TTC39C: variants seen among roughly 807,000 people sequenced by gnomAD.
TTC39C encodes the protein tetratricopeptide repeat protein 39C.
TTC39C carries 33 observed loss-of-function variants against 76.3 expected under a neutral mutation model. The ratio of observed to expected loss-of-function variants is 0.43; its 90% CI spans 0.33 to 0.58. The LOEUF (loss-of-function observed/expected upper bound fraction) is 0.58. Ranked by LOEUF, TTC39C falls within the 20% of genes least tolerant of loss-of-function variation. The pLI, the probability that TTC39C is intolerant of heterozygous loss-of-function variation, is 0.04. For missense variants in TTC39C, 595 were observed against 701.4 expected, an observed-to-expected ratio of 0.85 and a Z score of 1.71; for synonymous variants, 254 against 260.6, an observed-to-expected ratio of 0.97 and a Z score of 0.24.
At chr18:24,104,729 C>CAT (rs1491452977) in intron 6 of TTC39C, among the ~76,000 whole-genome samples, 2 of 114,180 alleles carry the variant, frequency 1.8e-5, no homozygotes, top group Non-Finnish European at 3.6e-5. Flanking sequence ...TGTGACTGTG[C>CAT]ATGTGTGTGT....
intron 10 of TTC39C, among the ~76,000 whole-genome samples, chr18:24,126,666 T>C (rs1449556267): frequency 2.0e-5 from 3 of 151,972 alleles, no homozygotes; most frequent in Non-Finnish European, 4.4e-5. Context: ...TTTTAGTTTT[T>C]AGAGACAAGT....
intron 6 of TTC39C, chr18:24,113,643 T>G: frequency 1.4e-6 from 1 of 702,386 alleles, no homozygotes. Flanking sequence ...GTCGTCTGGC[T>G]GTTTAAGATT....
At chr18:24,082,189 C>G (rs982231568) in intron 5 of TTC39C, among the ~76,000 whole-genome samples, 6 of 151,494 alleles carry the variant, frequency 4.0e-5, no homozygotes, top group African/African-American at 1.5e-4. Context: ...TTTTGTTTAC[C>G]TAGTTTAACA....
intron 6 of TTC39C, among the ~76,000 whole-genome samples, chr18:24,094,092 A>G (rs1448801077): frequency 1.3e-5 from 2 of 152,196 alleles, no homozygotes; most frequent in Non-Finnish European, 2.9e-5. Flanking sequence ...CTTATCAACT[A>G]AGTCTATGTG....
chr18:24,100,205 C>A (rs1407232279), intron 6 of TTC39C, among the ~76,000 whole-genome samples: 1 of 152,134 alleles, frequency 6.6e-6, no homozygotes, highest in Admixed American at 6.6e-5. Context: ...ATTAAATGTT[C>A]ATTGTGATGT....
chr18:24,019,479 A>C (rs1339013079), intron 1 of TTC39C, among the ~76,000 whole-genome samples: 1 of 151,876 alleles, frequency 6.6e-6, no homozygotes, highest in African/African-American at 2.4e-5. Flanking sequence ...ATTAAAAAGC[A>C]AGAAAAATGT....
chr18:24,059,185 A>G (rs2084057363), intron 1 of TTC39C, among the ~76,000 whole-genome samples: 1 of 152,064 alleles, frequency 6.6e-6, no homozygotes, highest in Non-Finnish European at 1.5e-5. Flanking sequence ...ATTCTAAATT[A>G]TTTACTTTTC....
At chr18:24,088,866 A>G (rs778086247) in intron 6 of TTC39C, among the ~76,000 whole-genome samples, 8 of 152,018 alleles carry the variant, frequency 5.3e-5, no homozygotes, top group Non-Finnish European at 1.0e-4. Context: ...TTACACTTCT[A>G]TCCCCGGCGT....
intron 6 of TTC39C, among the ~76,000 whole-genome samples, chr18:24,108,284 T>C (rs2084771854): frequency 6.6e-6 from 1 of 152,156 alleles, no homozygotes; most frequent in Non-Finnish European, 1.5e-5. Flanking sequence ...TAAATATGAT[T>C]TGGAGGTGGC....
At chr18:24,088,778 G>T (rs1260895216) in intron 6 of TTC39C, among the ~76,000 whole-genome samples, 2 of 152,146 alleles carry the variant, frequency 1.3e-5, no homozygotes, top group African/African-American at 4.8e-5. Flanking sequence ...ACCCAGGTTT[G>T]CTGGTTCCTT....
intron 6 of TTC39C, among the ~76,000 whole-genome samples, chr18:24,098,491 C>G (rs1375651178): frequency 3.2e-5 from 3 of 94,024 alleles, no homozygotes; most frequent in African/African-American, 5.7e-5. Context: ...CTTCCCTCTC[C>G]TCTCCTATCC....
At chr18:24,072,168 T>C (rs1021498565) in intron 4 of TTC39C, among the ~76,000 whole-genome samples, 3 of 151,054 alleles carry the variant, frequency 2.0e-5, no homozygotes, top group Non-Finnish European at 2.9e-5. Flanking sequence ...AAGCTCCTTG[T>C]TGGAGATGTT....
Position 24,014,922 on chromosome 18 carries a change from G to A in TTC39C, c.51G>A (p.Ser17=), listed in dbSNP as rs2083432499. ...CGCGGCGGCGGGACGACGGAGACTCGGACGCGGCAGCGGCGGCGGCGGCGC... is the reference window on the plus strand; with the variant it reads ...CGCGGCGGCGGGACGACGGAGACTCAGACGCGGCAGCGGCGGCGGCGGCGC... ...QRPRRRDDGD[S]DAAAAAAAPL... Residue 17 remains serine, a synonymous_variant, in exon 1 of 14, where the codon TCG becomes TCA. Coordinates refer to ENST00000317571, the MANE Select transcript of TTC39C (RefSeq NM_001135993.2). 4 of 1,518,774 alleles carry A rather than the reference G, an allele frequency of 2.6e-6. No homozygotes were observed. Among genetic ancestry groups the A allele is most frequent in the African/African-American group, 2.9e-5 (2 of 69,316 alleles). 94.1% of individuals were successfully genotyped at this position (1,518,774 alleles called of 1,614,324 possible).
At chr18:24,098,899 T>TG (rs1419417935) in intron 6 of TTC39C, among the ~76,000 whole-genome samples, 1 of 151,870 alleles carries the variant, frequency 6.6e-6, no homozygotes, top group Non-Finnish European at 1.5e-5. Flanking sequence ...CCCAAAGTGC[T>TG]GGGATTACAG....
chr18:24,059,929 G>C (rs2084071394), intron 1 of TTC39C, among the ~76,000 whole-genome samples: 2 of 152,170 alleles, frequency 1.3e-5, no homozygotes, highest in African/African-American at 4.8e-5. Flanking sequence ...GGCAAAGAGA[G>C]AATGAGAGCC....
chr18:24,067,548 T>C (rs1038202168), intron 3 of TTC39C, among the ~76,000 whole-genome samples: 2 of 152,130 alleles, frequency 1.3e-5, no homozygotes, highest in Admixed American at 6.5e-5. Flanking sequence ...GAGATTGTCA[T>C]AGGAGCATGA....
At chr18:24,048,026 T>A (rs2083907153) in intron 1 of TTC39C, among the ~76,000 whole-genome samples, 1 of 152,240 alleles carries the variant, frequency 6.6e-6, no homozygotes, top group Non-Finnish European at 1.5e-5. Context: ...ATACATGGCA[T>A]GTTTATTTGT....
chr18:24,102,660 A>G (rs1210853481), intron 6 of TTC39C, among the ~76,000 whole-genome samples: 9 of 152,084 alleles, frequency 5.9e-5, no homozygotes, highest in Admixed American at 5.9e-4. Flanking sequence ...CTCAAAGGCT[A>G]TGTGGCCTTC....
upstream of TTC39C, chr18:24,014,710 C>G: frequency 9.2e-7 from 1 of 1,091,658 alleles, no homozygotes; most frequent in Non-Finnish European, 1.1e-6. Context: ...CTCCTCCCTC[C>G]GCGGTCCTTC....
Sources: gnomAD v4.1 joint callset for allele counts (sites outside exome capture counted in the v4.1 genomes callset) on GRCh38, gnomAD v4.1.1 for gene constraint, MANE v1.5 for transcripts, NCBI Gene and HGNC (gene_info 2026-07-23, HGNC 2026-07-21) for gene names.